EHD4: variants seen among roughly 807,000 people sequenced by gnomAD.
EHD4 encodes EH domain containing 4, also known as EH domain-containing protein 4.
Under a neutral mutation model 51.0 loss-of-function variants are expected in EHD4, and 37 were observed. That is an observed-to-expected ratio of 0.73 (90% CI 0.56 to 0.95). The LOEUF (loss-of-function observed/expected upper bound fraction) is 0.95. EHD4 is among the 40% of genes least tolerant of loss of function. The pLI, the probability that EHD4 is intolerant of heterozygous loss-of-function variation, is 0.00. For synonymous variants in EHD4, 297 were observed against 317.3 expected (o/e 0.94, Z 0.68); for missense variants, 632 against 733.1 (o/e 0.86, Z 1.59).
At chr15:41,927,994 A>T (rs938494264) in intron 3 of EHD4, among the ~76,000 whole-genome samples, 1 of 152,178 alleles carries the variant, frequency 6.6e-6, no homozygotes, top group Non-Finnish European at 1.5e-5. Flanking sequence ...TAACTAGGGG[A>T]AGTGTAAATC....
chr15:41,920,207 T>C (rs1246939371), intron 3 of EHD4, among the ~76,000 whole-genome samples: 3 of 152,270 alleles, frequency 2.0e-5, no homozygotes, highest in African/African-American at 7.2e-5. Context: ...ATAACTCAGG[T>C]ATATTGTGAA....
chr15:41,958,984 G>A (rs1247109381), intron 1 of EHD4, among the ~76,000 whole-genome samples: 3 of 152,232 alleles, frequency 2.0e-5, no homozygotes, highest in Non-Finnish European at 2.9e-5. Flanking sequence ...TTACAGGAAC[G>A]TGTCCTGTGA....
At chr15:41,955,022 G>A (rs551179901) in intron 1 of EHD4, among the ~76,000 whole-genome samples, 12 of 152,252 alleles carry the variant, frequency 7.9e-5, no homozygotes, top group Admixed American at 4.6e-4. Context: ...AAGTTTCTAC[G>A]TTTCTGTGAA....
At chr15:41,941,252 C>T (rs913494220) in intron 3 of EHD4, among the ~76,000 whole-genome samples, 1 of 152,184 alleles carries the variant, frequency 6.6e-6, no homozygotes, top group Non-Finnish European at 1.5e-5. Flanking sequence ...TATTATGTCA[C>T]TTTCATGGAA....
At chr15:41,917,096 C>CTTACTTAT (rs2067589846) in intron 4 of EHD4, among the ~76,000 whole-genome samples, 1 of 141,788 alleles carries the variant, frequency 7.1e-6, no homozygotes, top group South Asian at 2.3e-4. Flanking sequence ...CTTTCTGCTC[C>CTTACTTAT]TTATTTATTT....
rs141371705 is a variant in EHD4 at position 41,919,481 on chromosome 15, C to T, written c.653G>A (p.Arg218His). Residue 218 changes from arginine (R) to histidine (H), a missense_variant, in exon 4 of 6, where the codon CGT (arginine) becomes CAT (histidine). By Grantham distance (29) the Arg-to-His change is conservative. Coordinates refer to ENST00000220325, the MANE Select transcript of EHD4 (RefSeq NM_139265.4). Reference protein sequence around the residue: ...KAFRGQDDKIRVVLNKADQVD... With the variant: ...KAFRGQDDKIHVVLNKADQVD... ...TTGGTCGGCCTTGTTCAGCACGACA[C>T]GGATCTTGTCGTCCTGGCCCCGGAA... 4.5e-6 allele frequency: 7 copies of T among 1,559,652 alleles called. 1 individual carries two copies. The highest frequency in any genetic ancestry group is 3.7e-5 in the South Asian group (3 of 81,338).
chr15:41,911,837 C>T (rs553188022), intron 4 of EHD4, among the ~76,000 whole-genome samples: 2 of 152,122 alleles, frequency 1.3e-5, no homozygotes, highest in African/African-American at 4.8e-5. Flanking sequence ...TCCCAAGAGC[C>T]CTCACCACGT....
At chr15:41,930,012 T>C (rs954614041) in intron 3 of EHD4, among the ~76,000 whole-genome samples, 7 of 152,328 alleles carry the variant, frequency 4.6e-5, no homozygotes, top group Middle Eastern at 3.4e-3. Context: ...TCTACTGGAT[T>C]CATGTGCTAT....
intron 3 of EHD4, among the ~76,000 whole-genome samples, chr15:41,940,340 G>T (rs1566823466): frequency 2.0e-5 from 3 of 152,230 alleles, no homozygotes; most frequent in Non-Finnish European, 4.4e-5. Flanking sequence ...TGGCAAAGGT[G>T]GGGCTGTGGT....
intron 3 of EHD4, among the ~76,000 whole-genome samples, chr15:41,932,363 G>A (rs2067704882): frequency 6.6e-6 from 1 of 152,194 alleles, no homozygotes; most frequent in African/African-American, 2.4e-5. Context: ...GAGAGGAACT[G>A]GGGGATATGG....
At chr15:41,903,592 G>C (rs1041024823) in intron 5 of EHD4, among the ~76,000 whole-genome samples, 1 of 151,818 alleles carries the variant, frequency 6.6e-6, no homozygotes, top group African/African-American at 2.4e-5. Context: ...ATTGAACTTA[G>C]ACTGTAGAGC....
chr15:41,906,933 C>T (rs763249452), intron 5 of EHD4, among the ~76,000 whole-genome samples: 109 of 152,228 alleles, frequency 7.2e-4, no homozygotes, highest in Non-Finnish European at 1.5e-3. Context: ...GCTTGGCCCT[C>T]CTTGTACCCT....
intron 4 of EHD4, among the ~76,000 whole-genome samples, chr15:41,918,895 C>A (rs1049240243): frequency 1.1e-4 from 17 of 152,316 alleles, no homozygotes; most frequent in African/African-American, 4.1e-4. Flanking sequence ...ACTGATTGAT[C>A]CCCCTCCCTG....
At chr15:41,914,337 T>A (rs2067569204) in intron 4 of EHD4, among the ~76,000 whole-genome samples, 1 of 146,694 alleles carries the variant, frequency 6.8e-6, no homozygotes, top group Non-Finnish European at 1.5e-5. Context: ...AAAGCCAGGG[T>A]ATCAGCACGT....
At chr15:41,963,399 G>A (rs922140819) in intron 1 of EHD4, among the ~76,000 whole-genome samples, 11 of 151,638 alleles carry the variant, frequency 7.3e-5, no homozygotes, top group East Asian at 1.9e-4. Context: ...AGGTGTTCGA[G>A]ACCAGCCTGG....
intron 2 of EHD4, among the ~76,000 whole-genome samples, chr15:41,951,720 C>G (rs1191439338): frequency 6.6e-6 from 1 of 152,180 alleles, no homozygotes; most frequent in East Asian, 1.9e-4. Context: ...TCTGGGGCCT[C>G]CTGTTCTGGT....
chr15:41,897,522 G>C lies in EHD4; in HGVS notation c.*3123C>G, dbSNP rs1028567151. 1.3e-5 allele frequency: 2 copies of C among 152,350 alleles called. No homozygotes were observed. Among genetic ancestry groups the C allele is most frequent in the African/African-American group, 4.8e-5 (2 of 41,470 alleles). 9.4% of individuals were successfully genotyped at this position (152,350 alleles called of 1,614,324 possible). A position where few individuals can be genotyped will look rare whatever the true frequency, so the allele number is the denominator to read the frequency against. On this transcript the variant is annotated 3_prime_UTR_variant, in exon 6 of 6. Coordinates refer to ENST00000220325, the MANE Select transcript of EHD4 (RefSeq NM_139265.4). ...CCTGCCCCCAGGCCATCCAAGTGCG[G>C]TGAGTTGAGAAATGAATTGACAGAC...
At chr15:41,941,582 G>GTTTTTTTTTTTTTTTTTT (rs55852618) in intron 3 of EHD4, 1 of 141,968 alleles carries the variant, frequency 7.0e-6, no homozygotes. Flanking sequence ...GTTTTTTGGT[G>GTTTTTTTTTTTTTTTTTT]TTTTTTTTTT....
chr15:41,901,860 T>G (rs916842860), intron 5 of EHD4, among the ~76,000 whole-genome samples: 20 of 152,186 alleles, frequency 1.3e-4, no homozygotes, highest in Non-Finnish European at 2.5e-4. Context: ...GCACCTGTGC[T>G]ACCCCAGGAA....
Sources: gnomAD v4.1 joint callset for allele counts (sites outside exome capture counted in the v4.1 genomes callset) on GRCh38, gnomAD v4.1.1 for gene constraint, MANE v1.5 for transcripts, NCBI Gene and HGNC (gene_info 2026-07-23, HGNC 2026-07-21) for gene names.